The following ESF1 variants were observed in gnomAD, a reference collection of about 807,000 sequenced individuals.
The protein encoded by ESF1 is ESF1 nucleolar pre-rRNA processing protein, also known as ESF1 homolog.
A neutral mutation model predicts 92.0 loss-of-function variants in ESF1; 58 were observed. The ratio of observed to expected loss-of-function variants is 0.63; its 90% CI spans 0.51 to 0.78. The LOEUF is 0.78. Among genes scored for constraint, ESF1 ranks in the 30% least tolerant of loss-of-function variants. The probability of loss-of-function intolerance (pLI) is 0.00; values close to 1 mark genes in which losing one functional copy is unlikely to be tolerated. For missense variants in ESF1, 922 were observed against 989.1 expected (o/e 0.93, Z 0.91); for synonymous variants, 321 against 313.7 (o/e 1.02, Z -0.24).
intron 8 of ESF1, chr20:13,762,755 T>C: frequency 2.8e-6 from 1 of 351,258 alleles, no homozygotes; most frequent in Non-Finnish European, 5.4e-6. Flanking sequence ...GGTACTAAAT[T>C]AGATTATAGT....
intron 6 of ESF1, among the ~76,000 whole-genome samples, chr20:13,770,234 A>G (rs1273186245): frequency 1.3e-5 from 2 of 152,204 alleles, no homozygotes; most frequent in Non-Finnish European, 2.9e-5. Context: ...CTGTAATTCC[A>G]CTAAATTTAA....
intron 9 of ESF1, among the ~76,000 whole-genome samples, chr20:13,740,203 G>A (rs1282155411): frequency 6.6e-6 from 1 of 152,082 alleles, no homozygotes; most frequent in African/African-American, 2.4e-5. Flanking sequence ...TTTTGACACA[G>A]GCTTCTGCAA....
At chr20:13,771,622 CTTTA>C (rs1277767618) in intron 5 of ESF1, 139 bp from the exon 6 acceptor site, 1 of 650,972 alleles carries the variant, frequency 1.5e-6, no homozygotes, top group African/African-American at 1.8e-5. Flanking sequence ...ATGACTTTGC[CTTTA>C]TAAACATTAA....
intron 6 of ESF1, 124 bp downstream of exon 6, chr20:13,771,207 T>G: frequency 1.2e-6 from 1 of 855,298 alleles, no homozygotes; most frequent in Non-Finnish European, 1.9e-6. Flanking sequence ...TGGGATAGAG[T>G]TAACCGAAAA....
chr20:13,776,339 C>T, intron 2 of ESF1, 69 bp from the exon 3 acceptor site: 6 of 1,403,584 alleles, frequency 4.3e-6, no homozygotes, highest in East Asian at 2.3e-5. Context: ...TCCAAATTAT[C>T]TTGACATCAA....
chr20:13,737,023 T>C, intron 9 of ESF1, among the ~76,000 whole-genome samples: 1 of 152,330 alleles, frequency 6.6e-6, no homozygotes, highest in Admixed American at 6.5e-5. Context: ...TTCTAAGTTC[T>C]TAAAAATATG....
At position 13,718,785 on chromosome 20, in the gene ESF1, A is replaced by G. The variant is rs944988368; in HGVS notation, c.2115+123T>C. ...GCTAAAATATTTAATTATGTCTCTT[A>G]CAATTTAGTTATAAATGCCACTGCT... is the stretch of plus-strand genomic sequence containing the variant. On this transcript the variant is annotated intron_variant, in intron 12 of 13. Coordinates refer to ENST00000617257, the MANE Select transcript of ESF1 (RefSeq NM_001276380.2). 2.0e-5 allele frequency: 10 copies of G among 512,652 alleles called. No homozygotes were observed. The African/African-American group carries it at 2.0e-4, about 10-fold the overall frequency. 31.8% of individuals were successfully genotyped at this position (512,652 alleles called of 1,614,324 possible).
chr20:13,729,893 T>C lies in ESF1; in HGVS notation c.1951-1428A>G, dbSNP rs555835406. 2.0e-5 allele frequency among the ~76,000 whole-genome samples: 3 copies of C among 152,310 alleles called. No individual in the cohort carries two copies. In the East Asian group the frequency reaches 5.8e-4, roughly 29 times the overall value. ...AAATCTATACAATAAATAGAACACATGTGAACTAAGATCAGGCTAACCAGA... is the reference window on the plus strand; with the variant it reads ...AAATCTATACAATAAATAGAACACACGTGAACTAAGATCAGGCTAACCAGA... On this transcript the variant is annotated intron_variant, in intron 10 of 13. Coordinates refer to ENST00000617257, the MANE Select transcript of ESF1 (RefSeq NM_001276380.2).
chr20:13,773,988 A>G (rs936819545), intron 4 of ESF1, among the ~76,000 whole-genome samples: 3 of 151,942 alleles, frequency 2.0e-5, no homozygotes, highest in Non-Finnish European at 4.4e-5. Flanking sequence ...CCAGCTACTC[A>G]GGAGGCTGAG....
intron 8 of ESF1, among the ~76,000 whole-genome samples, chr20:13,764,696 C>T (rs1979350894): frequency 6.6e-6 from 1 of 151,892 alleles, no homozygotes; most frequent in African/African-American, 2.4e-5. Context: ...AATATATTTC[C>T]CACGCATTAC....
chr20:13,744,156 T>G (rs1205973799), intron 9 of ESF1, among the ~76,000 whole-genome samples: 1 of 152,230 alleles, frequency 6.6e-6, no homozygotes, highest in Non-Finnish European at 1.5e-5. Flanking sequence ...TAGATTATGA[T>G]TACTCCAATT....
chr20:13,760,808 GC>G (rs1979156426), intron 8 of ESF1, among the ~76,000 whole-genome samples: 2 of 150,248 alleles, frequency 1.3e-5, no homozygotes, highest in Admixed American at 6.6e-5. Context: ...GGTGAGGGGT[GC>G]CTCTGCCCGG....
At position 13,736,847 on chromosome 20, in the gene ESF1, T is replaced by G. The variant is rs150430248; in HGVS notation, c.1829-3005A>C. Among the ~76,000 whole-genome samples the G allele has an allele frequency of 2.0e-5, 3 of 152,304 alleles. No individual in the cohort carries two copies. In the East Asian group the frequency reaches 5.8e-4, roughly 29 times the overall value. ...AAACAGTATCTTCAGTTTAATACAG[T>G]CTGTAATTTTTTTTTGCCTGGCTCT... On this transcript the variant is annotated intron_variant, in intron 9 of 13. Coordinates refer to ENST00000617257, the MANE Select transcript of ESF1 (RefSeq NM_001276380.2).
At chr20:13,719,022 C>T (rs780493048) in intron 11 of ESF1, 38 bp from the exon 12 acceptor site, 2 of 1,441,814 alleles carry the variant, frequency 1.4e-6, no homozygotes, top group Admixed American at 4.0e-5. Flanking sequence ...GTAAAAATTA[C>T]AGGACTATCA....
chr20:13,759,876 A>G, intron 8 of ESF1, 23 bp from the exon 9 acceptor site: 1 of 1,569,402 alleles, frequency 6.4e-7, no homozygotes, highest in Middle Eastern at 1.7e-4. Flanking sequence ...AAATTCACTT[A>G]ATACACAGAA....
At chr20:13,720,172 T>C (rs1384909175) in intron 11 of ESF1, among the ~76,000 whole-genome samples, 2 of 152,152 alleles carry the variant, frequency 1.3e-5, no homozygotes, top group Non-Finnish European at 1.5e-5. Flanking sequence ...GTGTCTCCTT[T>C]CCTTGTACCC....
In ESF1 at chr20:13,775,269, A is replaced by G; in HGVS notation, c.1037T>C (p.Ile346Thr). The stretch of plus-strand genomic sequence containing the variant: ...GTTACAAACTGCTAATCGACGTGTA[A>G]TCTGAGAAATGAGAAGAATTAAATA... ...LDKDAPRADEITRRLAVCNMD... is the reference protein window; with the variant it reads ...LDKDAPRADETTRRLAVCNMD... Residue 346 changes from isoleucine to threonine, a missense_variant and splice_region_variant, in exon 4 of 14, where the codon ATT (isoleucine) becomes ACT (threonine). Physicochemically the swap from Ile to Thr is moderately conservative, Grantham distance 89 (BLOSUM62 -1). Coordinates refer to ENST00000617257, the MANE Select transcript of ESF1 (RefSeq NM_001276380.2). 1.3e-6 allele frequency: 2 copies of G among 1,563,078 alleles called. No homozygotes were observed. Among genetic ancestry groups the G allele is most frequent in the Non-Finnish European group, 1.7e-6 (2 of 1,146,340 alleles).
rs1326956439 is a variant in ESF1 at position 13,772,556 on chromosome 20, T to C, written c.1209A>G (p.Val403=). Residue 403 remains valine (V), a synonymous_variant, in exon 5 of 14, where the codon GTA becomes GTG. Coordinates refer to ENST00000617257, the MANE Select transcript of ESF1 (RefSeq NM_001276380.2). ...CATCTTCAGGAATACTTAATAGCTCTACTGGTCCTTGAACTTGCTCTTCCT... is the reference window on the plus strand; with the variant it reads ...CATCTTCAGGAATACTTAATAGCTCCACTGGTCCTTGAACTTGCTCTTCCT... The part of the protein sequence containing the change: ...RMKEEQVQGP[V]ELLSIPEDAP... The C allele has an allele frequency of 1.9e-6, 3 of 1,612,962 alleles. No individual in the cohort carries two copies. In the East Asian group the frequency reaches 6.7e-5, roughly 36 times the overall value.
At position 13,717,359 on chromosome 20, in the gene ESF1, T is replaced by C. The variant is rs4239710; in HGVS notation, c.2262+9A>G. The C allele has an allele frequency of 1, 1,605,798 of 1,613,714 alleles. 799,164 individuals carry two copies. Among genetic ancestry groups the C allele is most frequent in the East Asian group, 1 (44,870 of 44,870 alleles). The stretch of plus-strand genomic sequence containing the variant: ...GCTTTAAGAGGCTATGCCTGGTGTC[T>C]ATGGTTACCTCAAAGTCATCCTCTA... On this transcript the variant is annotated intron_variant, in intron 13 of 13. Coordinates refer to ENST00000617257, the MANE Select transcript of ESF1 (RefSeq NM_001276380.2).
Sources: allele counts gnomAD v4.1 joint callset (sites outside exome capture counted in the v4.1 genomes callset), GRCh38; gene constraint gnomAD v4.1.1; transcripts MANE v1.5; gene names NCBI Gene and HGNC (gene_info 2026-07-23, HGNC 2026-07-21).